The following HTR1E variants were observed in gnomAD, a reference collection of about 807,000 sequenced individuals.
HTR1E encodes the protein 5-hydroxytryptamine receptor 1E, also known as 5-HT-1E.
In HTR1E, 3 loss-of-function variants were observed where a neutral mutation model predicts 3.4. The ratio of observed to expected loss-of-function variants is 0.89; its 90% CI spans 0.41 to 2.31. The LOEUF is 2.31. Among genes scored for constraint, HTR1E ranks in the 30% most tolerant of loss-of-function variants. The pLI is 0.05. For missense variants in HTR1E, 392 were observed against 467.0 expected (o/e 0.84, Z 1.48); for synonymous variants, 170 against 182.8 (o/e 0.93, Z 0.56).
intron 1 of HTR1E, among the ~76,000 whole-genome samples, chr6:86,978,242 G>C (rs540942228): frequency 2.0e-5 from 3 of 152,198 alleles, no homozygotes; most frequent in Admixed American, 2.0e-4. Context: ...CTCACCAAAT[G>C]ACTGAGGAAA....
chr6:86,995,167 C>T lies in HTR1E; in HGVS notation c.-185-19983C>T, dbSNP rs1767917967. Among the ~76,000 whole-genome samples, 6 of 151,896 alleles carry T rather than the reference C, an allele frequency of 4.0e-5. No homozygotes were observed. The South Asian group carries it at 8.3e-4, about 21-fold the overall frequency. ...CATTGAATTTTAAAAGGTCTACATA[C>T]CGACCCGGAGCCGTGGCTCACACCT... On this transcript the variant is annotated intron_variant, in intron 1 of 1. Transcript: ENST00000305344.
Position 86,955,803 on chromosome 6 carries a change from T to C in HTR1E, c.-186+17980T>C, listed in dbSNP as rs572327885. ...AAATGAAATACATTTTAACATATGG[T>C]TTTCAAAAAGCTGAGAAACTGATGA... On this transcript the variant is annotated intron_variant, in intron 1 of 1. Coordinates refer to ENST00000305344, the MANE Select transcript of HTR1E (RefSeq NM_000865.3). 3.0e-4 allele frequency among the ~76,000 whole-genome samples: 46 copies of C among 152,124 alleles called. 1 individual carries two copies. The highest frequency in any genetic ancestry group is 6.8e-3 in the Middle Eastern group (2 of 294).
At chr6:87,000,694 C>T (rs1768009288) in intron 1 of HTR1E, among the ~76,000 whole-genome samples, 1 of 152,162 alleles carries the variant, frequency 6.6e-6, no homozygotes, top group African/African-American at 2.4e-5. Flanking sequence ...CTTTCTCAGA[C>T]AAACAATAGC....
chr6:87,003,355 T>G (rs112861399), intron 1 of HTR1E, among the ~76,000 whole-genome samples: 2,557 of 152,182 alleles, frequency 0.017, 79 homozygotes, highest in African/African-American at 0.058. Flanking sequence ...CTGGCCAACA[T>G]GGCAAAACCC....
At chr6:86,964,566 A>T (rs1393541747) in intron 1 of HTR1E, among the ~76,000 whole-genome samples, 1 of 152,202 alleles carries the variant, frequency 6.6e-6, no homozygotes, top group African/African-American at 2.4e-5. Flanking sequence ...TTTTCTTTCA[A>T]GCATGGGTGG....
intron 1 of HTR1E, among the ~76,000 whole-genome samples, chr6:87,010,866 C>T (rs113288645): frequency 0.017 from 2,660 of 152,258 alleles, 81 homozygotes; most frequent in African/African-American, 0.059. Flanking sequence ...GGGCGGCGCT[C>T]GCCGGCCTAT....
chr6:86,974,171 A>AGT (rs1426923644), intron 1 of HTR1E, among the ~76,000 whole-genome samples: 13 of 152,294 alleles, frequency 8.5e-5, no homozygotes, highest in Admixed American at 6.5e-5. Flanking sequence ...CAATACAGAG[A>AGT]ACTTTTTTAA....
At chr6:86,944,470 A>C (rs1294786347) in intron 1 of HTR1E, among the ~76,000 whole-genome samples, 1 of 152,230 alleles carries the variant, frequency 6.6e-6, no homozygotes, top group Non-Finnish European at 1.5e-5. Context: ...AGAATTTGTA[A>C]AATATAAAGC....
At chr6:86,957,886 T>C (rs1767348071) in intron 1 of HTR1E, among the ~76,000 whole-genome samples, 1 of 152,204 alleles carries the variant, frequency 6.6e-6, no homozygotes, top group African/African-American at 2.4e-5. Context: ...TGGTAACCTA[T>C]GGAAGGTGAG....
At chr6:86,990,148 C>A (rs557437683) in intron 1 of HTR1E, among the ~76,000 whole-genome samples, 17 of 152,200 alleles carry the variant, frequency 1.1e-4, no homozygotes, top group African/African-American at 3.9e-4. Flanking sequence ...CAGGAGGGAG[C>A]CCAGTTCTTC....
intron 1 of HTR1E, among the ~76,000 whole-genome samples, chr6:87,001,555 A>C (rs532155606): frequency 6.6e-6 from 1 of 152,342 alleles, no homozygotes; most frequent in Admixed American, 6.5e-5. Context: ...ATGAGAGCTC[A>C]GTCTCAAATC....
chr6:86,950,863 CAG>C (rs1448528133), intron 1 of HTR1E, among the ~76,000 whole-genome samples: 2 of 152,162 alleles, frequency 1.3e-5, no homozygotes, highest in African/African-American at 4.8e-5. Context: ...AAATCTATAA[CAG>C]GGGCAAACTT....
intron 1 of HTR1E, among the ~76,000 whole-genome samples, chr6:86,995,671 AAAAAAAAAAAAAAAAAG>A (rs553991621): frequency 0.25 from 26,486 of 106,558 alleles, 3,231 homozygotes; most frequent in Non-Finnish European, 0.34. Flanking sequence ...ATCTCAAAAA[AAAAAAAAAAAAAAAAAG>A]AAAAAAAAAA....
intron 1 of HTR1E, among the ~76,000 whole-genome samples, chr6:86,998,793 G>T (rs1376688017): frequency 6.6e-6 from 1 of 151,546 alleles, no homozygotes; most frequent in Non-Finnish European, 1.5e-5. Flanking sequence ...TCTTTAAAAA[G>T]ATCAATAAAA....
At chr6:87,007,929 G>A (rs1053018382) in intron 1 of HTR1E, among the ~76,000 whole-genome samples, 13 of 149,896 alleles carry the variant, frequency 8.7e-5, no homozygotes, top group Non-Finnish European at 2.9e-5. Flanking sequence ...GTGAGATTCT[G>A]TCTCAAAAAA....
chr6:86,954,555 T>C (rs984289021), intron 1 of HTR1E, among the ~76,000 whole-genome samples: 1 of 152,344 alleles, frequency 6.6e-6, no homozygotes, highest in Middle Eastern at 3.4e-3. Flanking sequence ...ACAGAATAGA[T>C]ACGTGGTTAC....
rs1422831787 is a variant in HTR1E at position 87,010,043 on chromosome 6, G to C, written c.-185-5107G>C. Among the ~76,000 whole-genome samples, 201 of 134,262 alleles carry C rather than the reference G, an allele frequency of 1.5e-3. 7 individuals carry two copies. The highest frequency in any genetic ancestry group is 5.6e-3 in the African/African-American group (189 of 33,866). 88.1% of individuals were successfully genotyped at this position (134,262 alleles called of 152,430 possible). The stretch of plus-strand genomic sequence containing the variant: ...CCCCACCTCCCTCCCGGACGGGGTG[G>C]CTGGCCAGGCGGGGGGCTGACCCCC... On this transcript the variant is annotated intron_variant, in intron 1 of 1. Transcript: ENST00000305344.
At position 87,013,263 on chromosome 6, in the gene HTR1E, A is replaced by G. The variant is rs150423630; in HGVS notation, c.-185-1887A>G. 3.0e-3 allele frequency among the ~76,000 whole-genome samples: 459 copies of G among 152,356 alleles called. 3 individuals carry two copies. Among genetic ancestry groups the G allele is most frequent in the Middle Eastern group, 0.027 (8 of 294 alleles). On this transcript the variant is annotated intron_variant, in intron 1 of 1. Coordinates refer to ENST00000305344, the MANE Select transcript of HTR1E (RefSeq NM_000865.3). ...GTGCTCTGACCTTCACTGGGATGGT[A>G]TAAAGCAGAGGCTCTAGAGTATCCC...
intron 1 of HTR1E, among the ~76,000 whole-genome samples, chr6:86,960,094 T>C (rs1224406351): frequency 6.6e-6 from 1 of 152,224 alleles, no homozygotes; most frequent in Admixed American, 6.5e-5. Flanking sequence ...GTCTGTTTTG[T>C]GCTGCTTTAA....
Sources: allele counts gnomAD v4.1 joint callset (sites outside exome capture counted in the v4.1 genomes callset), GRCh38; gene constraint gnomAD v4.1.1; transcripts MANE v1.5; gene names NCBI Gene and HGNC (gene_info 2026-07-23, HGNC 2026-07-21).